NRXN3: variants seen among roughly 807,000 people sequenced by gnomAD.
The protein encoded by NRXN3 is neurexin 3, also known as neurexin III.
Under a neutral mutation model 137.6 loss-of-function variants are expected in NRXN3, and 32 were observed. That is an observed-to-expected ratio of 0.23 (90% CI 0.18 to 0.31). The LOEUF is 0.31. NRXN3 is among the 10% of genes least tolerant of loss of function. The pLI is 1.00. For synonymous variants in NRXN3, 798 were observed against 784.5 expected (o/e 1.02, Z -0.29); for missense variants, 1,574 against 2,062.5 (o/e 0.76, Z 4.59).
At position 79,697,712 on chromosome 14, in the gene NRXN3, C is replaced by T. The variant is rs1484470200; in HGVS notation, c.3789C>T (p.Leu1263=). ...AAGGACGCCTCTTCCAAGGCCAACT[C>T]TCTGGGCTCTATTATGATGGTTTGA... ...KDKGRLFQGQ[L]SGLYYDGLKV... The change falls in exon 19 of 21, where the codon CTC becomes CTT. Residue 1263 remains leucine, a synonymous_variant. Transcript: ENST00000335750. 9.9e-6 allele frequency: 16 copies of T among 1,613,182 alleles called. No homozygotes were observed. The highest frequency in any genetic ancestry group is 1.3e-5 in the African/African-American group (1 of 74,970).
At chr14:78,719,290 G>A (rs778173301) in intron 8 of NRXN3, among the ~76,000 whole-genome samples, 32 of 152,304 alleles carry the variant, frequency 2.1e-4, no homozygotes, top group South Asian at 1.7e-3. Flanking sequence ...AGCTGAACAC[G>A]AAGAATACAA....
At chr14:78,248,867 C>T (rs1192074367) in intron 2 of NRXN3, among the ~76,000 whole-genome samples, 1 of 152,140 alleles carries the variant, frequency 6.6e-6, no homozygotes, top group Non-Finnish European at 1.5e-5. Flanking sequence ...ACTTGATTCC[C>T]CACCCAGCAT....
At chr14:79,826,792 C>T (rs1002868613) in intron 20 of NRXN3, among the ~76,000 whole-genome samples, 2 of 152,116 alleles carry the variant, frequency 1.3e-5, no homozygotes, top group South Asian at 2.1e-4. Context: ...CTTCCTGATA[C>T]GTTATTTTAT....
At chr14:79,368,474 A>G (rs2093978490) in intron 15 of NRXN3, among the ~76,000 whole-genome samples, 1 of 152,212 alleles carries the variant, frequency 6.6e-6, no homozygotes, top group African/African-American at 2.4e-5. Flanking sequence ...TTACTTTAAA[A>G]GACTTTTATC....
At chr14:78,548,621 G>GC (rs907146402) in intron 4 of NRXN3, among the ~76,000 whole-genome samples, 2 of 152,076 alleles carry the variant, frequency 1.3e-5, no homozygotes, top group Admixed American at 6.5e-5. Context: ...CTTTTCCGTT[G>GC]CCCCCTCCCT....
chr14:78,524,449 G>A (rs1311481447), intron 4 of NRXN3, among the ~76,000 whole-genome samples: 15 of 152,366 alleles, frequency 9.8e-5, no homozygotes, highest in East Asian at 9.6e-4. Flanking sequence ...CTAACCCAGT[G>A]ATTCTCGAGC....
At chr14:79,005,693 C>A (rs1259697429) in intron 15 of NRXN3, among the ~76,000 whole-genome samples, 1 of 152,160 alleles carries the variant, frequency 6.6e-6, no homozygotes, top group African/African-American at 2.4e-5. Flanking sequence ...ACCTTCCTTA[C>A]CTTGTTCATC....
chr14:79,675,755 T>C (rs2098637356), intron 17 of NRXN3, among the ~76,000 whole-genome samples: 1 of 152,040 alleles, frequency 6.6e-6, no homozygotes, highest in South Asian at 2.1e-4. Flanking sequence ...AATAGCTAAA[T>C]ACCATTTTTT....
chr14:78,975,088 G>C (rs958775982), intron 14 of NRXN3, among the ~76,000 whole-genome samples: 10 of 152,198 alleles, frequency 6.6e-5, no homozygotes, highest in African/African-American at 2.2e-4. Context: ...CTATGCCTGT[G>C]TATCAGGGAC....
chr14:78,728,194 G>A (rs1042318461), intron 8 of NRXN3, among the ~76,000 whole-genome samples: 1 of 152,202 alleles, frequency 6.6e-6, no homozygotes, highest in East Asian at 1.9e-4. Flanking sequence ...CTCCTGCTGT[G>A]TGGGTCAGAA....
chr14:79,400,695 T>C (rs1198361354), intron 15 of NRXN3, among the ~76,000 whole-genome samples: 1 of 152,190 alleles, frequency 6.6e-6, no homozygotes, highest in Admixed American at 6.5e-5. Flanking sequence ...CAGATCTATA[T>C]ACTGTATATC....
At chr14:79,808,257 T>A (rs866847785) in intron 20 of NRXN3, among the ~76,000 whole-genome samples, 1,828 of 120,510 alleles carry the variant, frequency 0.015, 19 homozygotes, top group East Asian at 0.035. Flanking sequence ...AAAAAAAAAA[T>A]ATATATATAT....
chr14:79,687,830 TC>T (rs1448229829), intron 17 of NRXN3, among the ~76,000 whole-genome samples: 1 of 152,188 alleles, frequency 6.6e-6, no homozygotes, highest in Non-Finnish European at 1.5e-5. Context: ...GACCAAGAAA[TC>T]ACATTTGTCA....
intron 15 of NRXN3, among the ~76,000 whole-genome samples, chr14:79,265,395 A>G (rs1204864223): frequency 1.3e-5 from 2 of 151,942 alleles, no homozygotes; most frequent in Non-Finnish European, 2.9e-5. Context: ...CTTCTGAGTA[A>G]TTCCCGAAGC....
At chr14:78,401,765 G>T (rs2092088326) in intron 4 of NRXN3, among the ~76,000 whole-genome samples, 1 of 152,138 alleles carries the variant, frequency 6.6e-6, no homozygotes, top group Non-Finnish European at 1.5e-5. Context: ...CCCACATAAG[G>T]ATTCAATCTA....
chr14:79,493,503 C>G (rs1437312745), intron 16 of NRXN3, among the ~76,000 whole-genome samples: 1 of 152,162 alleles, frequency 6.6e-6, no homozygotes, highest in Non-Finnish European at 1.5e-5. Context: ...TGAGGTATGC[C>G]TTCCAGCATA....
chr14:79,426,585 A>G (rs948275956), intron 15 of NRXN3, among the ~76,000 whole-genome samples: 2 of 152,160 alleles, frequency 1.3e-5, no homozygotes, highest in Non-Finnish European at 1.5e-5. Context: ...CACCTATAAA[A>G]ACCAACAGCC....
chr14:79,316,542 T>C (rs1041597154), intron 15 of NRXN3, among the ~76,000 whole-genome samples: 21 of 152,198 alleles, frequency 1.4e-4, no homozygotes, highest in African/African-American at 5.1e-4. Context: ...AGGGTATGTT[T>C]GAAGCAGTGA....
At chr14:79,179,540 G>A (rs1185659771) in intron 15 of NRXN3, among the ~76,000 whole-genome samples, 2 of 152,110 alleles carry the variant, frequency 1.3e-5, no homozygotes, top group Non-Finnish European at 2.9e-5. Context: ...AAACTCTAGG[G>A]GAGGAACCCA....
Sources: gnomAD v4.1 joint callset for allele counts (sites outside exome capture counted in the v4.1 genomes callset) on GRCh38, gnomAD v4.1.1 for gene constraint, MANE v1.5 for transcripts, NCBI Gene and HGNC (gene_info 2026-07-23, HGNC 2026-07-21) for gene names.